MYCBP2: variants seen among roughly 807,000 people sequenced by gnomAD.
MYCBP2 encodes MYC binding protein 2, also known as E3 ubiquitin-protein ligase MYCBP2.
In MYCBP2, 120 loss-of-function variants were observed where a neutral mutation model predicts 525.3. The ratio of observed to expected loss-of-function variants is 0.23; its 90% CI spans 0.20 to 0.27. The LOEUF is 0.27. MYCBP2 is among the 10% of genes least tolerant of loss of function. The probability of loss-of-function intolerance (pLI) is 1.00; values close to 1 mark genes in which losing one functional copy is unlikely to be tolerated. For missense variants in MYCBP2, 4,149 were observed against 5,657.1 expected (o/e 0.73, Z 8.55); for synonymous variants, 1,894 against 1,955.8 (o/e 0.97, Z 0.83).
chr13:77,067,573 T>C lies in MYCBP2; in HGVS notation c.12455+8A>G, dbSNP rs1490643037. On this transcript the variant is annotated splice_region_variant and intron_variant, in intron 71 of 82. Coordinates refer to ENST00000544440, the MANE Select transcript of MYCBP2 (RefSeq NM_015057.5). ...TGTTTTGGTACTAAAATAGAGGCAA[T>C]AACTAACCTGGAATTGAAAATCATC... is the stretch of plus-strand genomic sequence containing the variant. 1.2e-6 allele frequency: 2 copies of C among 1,613,552 alleles called. No homozygotes were observed. The highest frequency in any genetic ancestry group is 1.7e-6 in the Non-Finnish European group (2 of 1,179,632).
At chr13:77,088,761 G>A in intron 61 of MYCBP2, 71 bp downstream of exon 61, 1 of 1,314,370 alleles carries the variant, frequency 7.6e-7, no homozygotes, top group Non-Finnish European at 1.1e-6. Context: ...TAAAAAAGTG[G>A]CATCGTGAAA....
intron 75 of MYCBP2, 45 bp from the exon 76 acceptor site, chr13:77,061,346 C>G: frequency 6.7e-7 from 1 of 1,485,672 alleles, no homozygotes; most frequent in Non-Finnish European, 9.1e-7. Context: ...TTATTTATCA[C>G]TCTGAAAGGG....
At chr13:77,068,492 C>T in intron 70 of MYCBP2, 73 bp downstream of exon 70, 1 of 1,538,444 alleles carries the variant, frequency 6.5e-7, no homozygotes, top group Non-Finnish European at 8.8e-7. Flanking sequence ...TTAGATAATT[C>T]TCTTTGCATT....
At chr13:77,095,197 T>C (rs1259523189) in intron 58 of MYCBP2, among the ~76,000 whole-genome samples, 161 bp downstream of exon 58, 3 of 152,100 alleles carry the variant, frequency 2.0e-5, no homozygotes, top group African/African-American at 7.2e-5. Context: ...CATAAAGTCA[T>C]TATGTCAGTC....
intron 55 of MYCBP2, among the ~76,000 whole-genome samples, chr13:77,106,285 T>C (rs2047838049): frequency 6.6e-6 from 1 of 152,174 alleles, no homozygotes; most frequent in Non-Finnish European, 1.5e-5. Context: ...CATTATTTTT[T>C]AAAAGGATAA....
At position 77,261,348 on chromosome 13, in the gene MYCBP2, G is replaced by A. The variant is rs1471983273; in HGVS notation, c.1675C>T (p.Leu559Phe). 1 of 1,609,678 alleles carries A rather than the reference G, an allele frequency of 6.2e-7. No homozygotes were observed. Among genetic ancestry groups the A allele is most frequent in the African/African-American group, 1.4e-5 (1 of 73,646 alleles). Residue 559 changes from leucine to phenylalanine, a missense_variant, in exon 12 of 83, where the codon CTT (leucine) becomes TTT (phenylalanine). Coordinates refer to ENST00000544440, the MANE Select transcript of MYCBP2 (RefSeq NM_015057.5). ...KIYYTGKYQSLGIKQGGPSAG... is the reference protein window; with the variant it reads ...KIYYTGKYQSFGIKQGGPSAG... The stretch of plus-strand genomic sequence containing the variant: ...GAAGGACCACCTTGTTTGATTCCAA[G>A]ACTCTGGTATTTGCCAGTGTAATAT...
chr13:77,056,983 T>G lies in MYCBP2; in HGVS notation c.13437+3A>C. On this transcript the variant is annotated splice_donor_region_variant and intron_variant, in intron 79 of 82. Coordinates refer to ENST00000544440, the MANE Select transcript of MYCBP2 (RefSeq NM_015057.5). ...AGTACATGATTTCAGATTCTTTCCA[T>G]ACCTTGCAAATGGGACAAGATATAA... 6.3e-7 allele frequency: 1 copy of G among 1,592,026 alleles called. No homozygotes were observed. Among genetic ancestry groups the G allele is most frequent in the Non-Finnish European group, 8.6e-7 (1 of 1,160,342 alleles).
At chr13:77,257,589 G>A in intron 14 of MYCBP2, 82 bp downstream of exon 14, 2 of 1,358,686 alleles carry the variant, frequency 1.5e-6, no homozygotes, top group Non-Finnish European at 2.0e-6. Flanking sequence ...ATTTTGAAAA[G>A]AACAAGACTT....
At chr13:77,068,863 T>C (rs751851022) in intron 69 of MYCBP2, 32 bp from the exon 70 acceptor site, 3 of 1,601,814 alleles carry the variant, frequency 1.9e-6, no homozygotes, top group Admixed American at 3.4e-5. Context: ...CATGTAAAAA[T>C]ATAGGGTTAG....
intron 68 of MYCBP2, chr13:77,076,089 T>A (rs747773303): frequency 1.3e-5 from 2 of 152,204 alleles, no homozygotes; most frequent in Non-Finnish European, 2.9e-5. Flanking sequence ...GTTTTAGGTA[T>A]AGTGTTTTAG....
At position 77,205,325 on chromosome 13, in the gene MYCBP2, G is replaced by T; in HGVS notation, c.3774C>A (p.Ala1258=). ...GACCACCAAGTAAAATATCAGTGTC[G>T]GCACTGAAACGTATAGCTTCTACTG... ...AHSVEAIRFS[A]DTDILLGGLG... is the part of the protein sequence containing the mutation. The change falls in exon 26 of 83, where the codon GCC becomes GCA. Residue 1258 remains alanine, a synonymous_variant. Coordinates refer to ENST00000544440, the MANE Select transcript of MYCBP2 (RefSeq NM_015057.5). The T allele has an allele frequency of 6.2e-7, 1 of 1,613,438 alleles. No homozygotes were observed. The highest frequency in any genetic ancestry group is 8.5e-7 in the Non-Finnish European group (1 of 1,179,642).
intron 79 of MYCBP2, among the ~76,000 whole-genome samples, chr13:77,056,114 G>GTATA (rs1269410083): frequency 7.3e-6 from 1 of 136,740 alleles, no homozygotes; most frequent in African/African-American, 2.6e-5. Flanking sequence ...GTGTGTGTGT[G>GTATA]TGTGTGTGTG....
intron 58 of MYCBP2, 26 bp downstream of exon 58, chr13:77,095,332 A>T (rs925351241): frequency 6.2e-7 from 1 of 1,611,562 alleles, no homozygotes; most frequent in African/African-American, 1.3e-5. Context: ...AAAGGTGATT[A>T]AAAAACAACA....
intron 10 of MYCBP2, 140 bp downstream of exon 10, chr13:77,263,511 T>A (rs1344649135): frequency 1.7e-5 from 10 of 605,502 alleles, no homozygotes; most frequent in Non-Finnish European, 8.1e-6. Flanking sequence ...TAATTCAAAA[T>A]TATCCTTTAT....
In MYCBP2 at chr13:77,168,549, G is replaced by T; in HGVS notation, c.5993C>A (p.Ser1998Ter). The T allele has an allele frequency of 6.2e-7, 1 of 1,614,072 alleles. No individual in the cohort carries two copies. Among genetic ancestry groups the T allele is most frequent in the Non-Finnish European group, 8.5e-7 (1 of 1,180,026 alleles). Residue 1998 changes from serine to a stop codon, truncating the protein, a stop_gained, in exon 40 of 83, where the codon TCG becomes TAG. Coordinates refer to ENST00000544440, the MANE Select transcript of MYCBP2 (RefSeq NM_015057.5). LOFTEE classifies it high-confidence loss of function. ...CTGGTTTCCTGTGGTGCTATCTGTC[G>T]ACTGATTAGGGTTGAAGGCAGGCGG... ...YAPPAFNPNQSTDSTTGNQPE... is the reference protein window; with the variant it reads ...YAPPAFNPNQ
chr13:77,068,952 T>G, intron 69 of MYCBP2, 121 bp from the exon 70 acceptor site: 1 of 948,436 alleles, frequency 1.1e-6, no homozygotes, highest in Non-Finnish European at 1.6e-6. Context: ...TTTAATACTA[T>G]TCTCCCAGTT....
At chr13:77,189,818 A>G (rs1288036116) in intron 29 of MYCBP2, among the ~76,000 whole-genome samples, 1 of 152,174 alleles carries the variant, frequency 6.6e-6, no homozygotes, top group East Asian at 1.9e-4. Flanking sequence ...ATTTACCAAC[A>G]GTAGGGAATT....
At position 77,181,655 on chromosome 13, in the gene MYCBP2, T is replaced by C. The variant is rs754872505; in HGVS notation, c.4941+46A>G. Reference sequence around the variant, plus strand: ...AAAAGAGGCAATAAATAAAACCATTTAGAGTTTTAGTGCCTCTGTATAAAA... The same window carrying C: ...AAAAGAGGCAATAAATAAAACCATTCAGAGTTTTAGTGCCTCTGTATAAAA... On this transcript the variant is annotated intron_variant, in intron 33 of 82. Coordinates refer to ENST00000544440, the MANE Select transcript of MYCBP2 (RefSeq NM_015057.5). 2.0e-6 allele frequency: 3 copies of C among 1,494,012 alleles called. No homozygotes were observed. In the African/African-American group the frequency reaches 4.2e-5, roughly 21 times the overall value. 92.5% of individuals were successfully genotyped at this position (1,494,012 alleles called of 1,614,324 possible).
chr13:77,235,264 C>A (rs1009821772), intron 17 of MYCBP2, among the ~76,000 whole-genome samples: 6 of 151,844 alleles, frequency 4.0e-5, no homozygotes, highest in Admixed American at 2.0e-4. Flanking sequence ...ACATTATGTC[C>A]TGAAGTAAGA....
Sources: gnomAD v4.1 joint callset for allele counts (sites outside exome capture counted in the v4.1 genomes callset) on GRCh38, gnomAD v4.1.1 for gene constraint, MANE v1.5 for transcripts, NCBI Gene and HGNC (gene_info 2026-07-23, HGNC 2026-07-21) for gene names.